Variants in PLCB4 observed in about 807,000 individuals in gnomAD.
PLCB4 encodes phospholipase C beta 4, also known as 1-phosphatidylinositol 4,5-bisphosphate phosphodiesterase beta-4.
PLCB4 carries 77 observed loss-of-function variants against 178.8 expected under a neutral mutation model. The ratio of observed to expected loss-of-function variants is 0.43; its 90% CI spans 0.36 to 0.52. The LOEUF is 0.52. PLCB4 is among the 20% of genes least tolerant of loss of function. The probability of loss-of-function intolerance (pLI) is 0.00; values close to 1 mark genes in which losing one functional copy is unlikely to be tolerated. For missense variants in PLCB4, 1,024 were observed against 1,453.4 expected, an observed-to-expected ratio of 0.70 and a Z score of 4.80; for synonymous variants, 496 against 490.8, an observed-to-expected ratio of 1.01 and a Z score of -0.14.
chr20:9,425,176 A>C (rs1602600779), intron 28 of PLCB4, among the ~76,000 whole-genome samples: 1 of 152,280 alleles, frequency 6.6e-6, no homozygotes, highest in Admixed American at 6.5e-5. Context: ...ACTGGAGACA[A>C]GTGGTAGGTT....
At chr20:9,390,487 T>C in intron 16 of PLCB4, 44 bp from the exon 17 acceptor site, 1 of 914,178 alleles carries the variant, frequency 1.1e-6, no homozygotes, top group Non-Finnish European at 1.8e-6. Context: ...TCTTGGACGG[T>C]TAATGGGTGT....
intron 2 of PLCB4, among the ~76,000 whole-genome samples, chr20:9,115,616 C>T (rs1186770109): frequency 7.7e-6 from 1 of 130,228 alleles, no homozygotes; most frequent in Non-Finnish European, 1.5e-5. Context: ...GTGTGATGTT[C>T]CCCTTCCTGT....
Position 9,085,749 on chromosome 20 carries a change from G to A in PLCB4, c.-134-10538G>A, listed in dbSNP as rs145242234. On this transcript the variant is annotated intron_variant, in intron 1 of 39. Transcript: ENST00000378473. ...AGACTCTGAAAAGAGAAAGACCAGC[G>A]TGATTGTAAATCACACCTATTTGTA... is the stretch of plus-strand genomic sequence containing the variant. Among the ~76,000 whole-genome samples the A allele has an allele frequency of 5.7e-3, 864 of 152,198 alleles. 7 individuals carry two copies. The highest frequency in any genetic ancestry group is 0.02 in the African/African-American group (825 of 41,516).
chr20:9,208,000 T>G (rs2093632637), intron 2 of PLCB4, among the ~76,000 whole-genome samples: 1 of 152,186 alleles, frequency 6.6e-6, no homozygotes, highest in South Asian at 2.1e-4. Flanking sequence ...TGTACCCCTT[T>G]CCAGGGCTGC....
At chr20:9,174,612 C>G (rs900150620) in intron 2 of PLCB4, among the ~76,000 whole-genome samples, 1 of 151,882 alleles carries the variant, frequency 6.6e-6, no homozygotes, top group Non-Finnish European at 1.5e-5. Flanking sequence ...AATTATTTTC[C>G]CCTGGGAAAT....
chr20:9,160,706 C>T (rs2092874260), intron 2 of PLCB4, among the ~76,000 whole-genome samples: 1 of 152,116 alleles, frequency 6.6e-6, no homozygotes, highest in Non-Finnish European at 1.5e-5. Flanking sequence ...AACTTCTGCT[C>T]CTTTGTTCTG....
At chr20:9,432,933 G>A (rs1241358456) in intron 28 of PLCB4, among the ~76,000 whole-genome samples, 9 of 149,350 alleles carry the variant, frequency 6.0e-5, no homozygotes, top group African/African-American at 2.3e-4. Flanking sequence ...AGAGATGTCA[G>A]CACCATCAGC....
chr20:9,413,128 A>G (rs2039973079), intron 25 of PLCB4, among the ~76,000 whole-genome samples: 1 of 152,070 alleles, frequency 6.6e-6, no homozygotes, highest in African/African-American at 2.4e-5. Context: ...CAGCCTCAGC[A>G]CTCCTGGCTC....
Position 9,380,141 on chromosome 20 carries a change from G to A in PLCB4, c.832G>A (p.Asp278Asn). ...AMQIIEMYEP[D>N]EDLKKKGLIS... ...GCAGATCATTGAGATGTATGAACCT[G>A]ATGAAGATTTGAAGAAAAAAGGTAA... The change falls in exon 13 of 40, where the codon GAT (aspartate) becomes AAT (asparagine). Residue 278 changes from aspartate to asparagine, a missense_variant. By Grantham distance (23) the Asp-to-Asn change is conservative (BLOSUM62 1). Around this residue, in one of 7 missense-constraint regions of PLCB4, gnomAD observed 37 missense variants for 28.6 expected, o/e 1.30. Transcript: ENST00000378473. The A allele has an allele frequency of 6.6e-7, 1 of 1,517,146 alleles. No homozygotes were observed. 94.0% of individuals were successfully genotyped at this position (1,517,146 alleles called of 1,614,324 possible). A position where few individuals can be genotyped will look rare whatever the true frequency, so the allele number is the denominator to read the frequency against.
intron 10 of PLCB4, 36 bp downstream of exon 10, chr20:9,371,331 TTTTG>T (rs1333591337): frequency 2.7e-6 from 3 of 1,119,910 alleles, no homozygotes; most frequent in Admixed American, 1.8e-5. Context: ...TCTAAAACCA[TTTTG>T]TTTATTTATC....
At chr20:9,102,742 G>T (rs527280660) in intron 2 of PLCB4, among the ~76,000 whole-genome samples, 3 of 115,220 alleles carry the variant, frequency 2.6e-5, no homozygotes, top group Admixed American at 8.3e-5. Context: ...AGCATATTTG[G>T]GGGGGGGCTA....
At chr20:9,369,864 C>T (rs1312291208) in intron 9 of PLCB4, among the ~76,000 whole-genome samples, 1 of 152,186 alleles carries the variant, frequency 6.6e-6, no homozygotes, top group Non-Finnish European at 1.5e-5. Flanking sequence ...GTTAAAAATC[C>T]TTCTGTGCTC....
At position 9,155,357 on chromosome 20, in the gene PLCB4, G is replaced by A. The variant is rs1179529677; in HGVS notation, c.-79+59015G>A. 3.3e-5 allele frequency among the ~76,000 whole-genome samples: 5 copies of A among 152,152 alleles called. No homozygotes were observed. In the East Asian group the frequency reaches 9.7e-4, roughly 29 times the overall value. ...TCTTTATCCATTCATTAGTTGATGG[G>A]CACTTAGGTTGGTTCCACATCTTTG... is the stretch of plus-strand genomic sequence containing the variant. On this transcript the variant is annotated intron_variant, in intron 2 of 39. Coordinates refer to ENST00000378473, the MANE Select transcript of PLCB4 (RefSeq NM_001377142.1).
rs375806574 is a variant in PLCB4, at chr20:9,184,255, G to T, written c.-78-33135G>T. Among the ~76,000 whole-genome samples the T allele has an allele frequency of 3.9e-5, 6 of 152,264 alleles. No homozygotes were observed. The East Asian group carries it at 9.7e-4, about 25-fold the overall frequency. ...ATGGGAAAAAACGGAAAAGGGATCA[G>T]CATTCTTTAGCTTCTTTTATGGCTT... On this transcript the variant is annotated intron_variant, in intron 2 of 39. Coordinates refer to ENST00000378473, the MANE Select transcript of PLCB4 (RefSeq NM_001377142.1).
chr20:9,101,387 C>T (rs2146631902), intron 2 of PLCB4, among the ~76,000 whole-genome samples: 1 of 152,160 alleles, frequency 6.6e-6, no homozygotes, highest in African/African-American at 2.4e-5. Flanking sequence ...ATGGATGGCT[C>T]CTCACTATTC....
At chr20:9,393,915 A>C (rs563431866) in intron 18 of PLCB4, among the ~76,000 whole-genome samples, 60 of 152,290 alleles carry the variant, frequency 3.9e-4, no homozygotes, top group African/African-American at 1.1e-3. Flanking sequence ...GAATTTGGAG[A>C]GGGCCCAAGG....
chr20:9,265,954 G>A (rs2094345254), intron 3 of PLCB4, among the ~76,000 whole-genome samples: 1 of 152,196 alleles, frequency 6.6e-6, no homozygotes, highest in Non-Finnish European at 1.5e-5. Flanking sequence ...AGATTTCGAT[G>A]CATGCTCAAA....
At chr20:9,349,708 C>T (rs2034153882) in intron 7 of PLCB4, among the ~76,000 whole-genome samples, 1 of 152,148 alleles carries the variant, frequency 6.6e-6, no homozygotes, top group Non-Finnish European at 1.5e-5. Context: ...ATGACTCCAC[C>T]AAGGGAATGC....
intron 38 of PLCB4, among the ~76,000 whole-genome samples, chr20:9,474,799 CT>C (rs1482547525): frequency 1.3e-5 from 2 of 152,192 alleles, no homozygotes; most frequent in Admixed American, 1.3e-4. Flanking sequence ...CATCAACATA[CT>C]TCCTAGTTAT....
Sources: gnomAD v4.1 joint callset for allele counts (sites outside exome capture counted in the v4.1 genomes callset) on GRCh38, gnomAD v4.1.1 for gene constraint, gnomAD v4.1.1 regional missense constraint, MANE v1.5 for transcripts, NCBI Gene and HGNC (gene_info 2026-07-23, HGNC 2026-07-21) for gene names.